WDR70: variants seen among roughly 807,000 people sequenced by gnomAD.
The protein encoded by WDR70 is WD repeat-containing protein 70.
In WDR70, 53 loss-of-function variants were observed where a neutral mutation model predicts 88.6. The ratio of observed to expected loss-of-function variants is 0.60; its 90% CI spans 0.48 to 0.75. WDR70 has a LOEUF of 0.75. Ranked by LOEUF, WDR70 falls within the 30% of genes least tolerant of loss-of-function variation. WDR70 has a pLI of 0.00. For missense variants in WDR70, 610 were observed against 823.2 expected (o/e 0.74, Z 3.17); for synonymous variants, 280 against 270.0 (o/e 1.04, Z -0.36).
intron 10 of WDR70, among the ~76,000 whole-genome samples, chr5:37,695,674 C>T (rs945380218): frequency 6.6e-6 from 1 of 152,162 alleles, no homozygotes; most frequent in Non-Finnish European, 1.5e-5. Flanking sequence ...TTCCTCTTCC[C>T]TCACATTTCT....
intron 9 of WDR70, among the ~76,000 whole-genome samples, chr5:37,547,079 C>T (rs1742022120): frequency 6.6e-6 from 1 of 152,134 alleles, no homozygotes; most frequent in African/African-American, 2.4e-5. Context: ...GGCAAGGTAG[C>T]ATCAAGGACA....
intron 7 of WDR70, among the ~76,000 whole-genome samples, chr5:37,474,138 C>A (rs1192600571): frequency 2.0e-5 from 3 of 152,028 alleles, no homozygotes; most frequent in African/African-American, 4.8e-5. Flanking sequence ...CAGTGGTTTT[C>A]AGATTATTTT....
At chr5:37,462,906 C>T (rs1010474638) in intron 7 of WDR70, among the ~76,000 whole-genome samples, 2 of 152,114 alleles carry the variant, frequency 1.3e-5, no homozygotes, top group East Asian at 1.9e-4. Flanking sequence ...TTAACTAGTA[C>T]GTCAACTCTG....
chr5:37,483,996 G>A (rs550086880), intron 8 of WDR70, among the ~76,000 whole-genome samples: 89 of 151,806 alleles, frequency 5.9e-4, no homozygotes, highest in Non-Finnish European at 1.0e-3. Flanking sequence ...CTCAGACGAT[G>A]GGCGGCCGGG....
chr5:37,711,501 G>T (rs115485030), intron 13 of WDR70, among the ~76,000 whole-genome samples: 2,072 of 152,202 alleles, frequency 0.014, 24 homozygotes, highest in Non-Finnish European at 0.02. Flanking sequence ...CTTTGCTCTG[G>T]TCCTCATGGA....
At chr5:37,710,656 A>G (rs1439845233) in intron 13 of WDR70, among the ~76,000 whole-genome samples, 1 of 152,202 alleles carries the variant, frequency 6.6e-6, no homozygotes, top group East Asian at 1.9e-4. Flanking sequence ...TGGTGAATAA[A>G]ATACCAAATT....
At chr5:37,408,147 C>G (rs1749410221) in intron 5 of WDR70, among the ~76,000 whole-genome samples, 1 of 151,898 alleles carries the variant, frequency 6.6e-6, no homozygotes, top group South Asian at 2.1e-4. Flanking sequence ...GTAGCTGTAG[C>G]CATTAATTTT....
intron 10 of WDR70, among the ~76,000 whole-genome samples, chr5:37,688,549 A>G (rs1746681008): frequency 6.6e-6 from 1 of 152,074 alleles, no homozygotes; most frequent in South Asian, 2.1e-4. Context: ...ATCTTCCAAA[A>G]GTTTCATTTA....
At chr5:37,524,931 A>G (rs1306367577) in intron 9 of WDR70, among the ~76,000 whole-genome samples, 4 of 152,232 alleles carry the variant, frequency 2.6e-5, no homozygotes, top group Admixed American at 1.3e-4. Flanking sequence ...AGAGCTAACT[A>G]TCCTAAATAT....
intron 17 of WDR70, among the ~76,000 whole-genome samples, chr5:37,745,434 A>C (rs1581544515): frequency 6.6e-6 from 1 of 151,772 alleles, no homozygotes; most frequent in African/African-American, 2.4e-5. Flanking sequence ...TACTAACCTT[A>C]AATGTAAATG....
chr5:37,423,272 C>G (rs971323804), intron 5 of WDR70, among the ~76,000 whole-genome samples: 1 of 151,162 alleles, frequency 6.6e-6, no homozygotes, highest in Non-Finnish European at 1.5e-5. Context: ...AGATTCCTGT[C>G]TAGATTCCAG....
intron 11 of WDR70, among the ~76,000 whole-genome samples, chr5:37,699,240 C>T (rs1278027495): frequency 1.3e-5 from 2 of 151,742 alleles, no homozygotes; most frequent in African/African-American, 4.8e-5. Flanking sequence ...TGAGTAATTA[C>T]CCAGTTGATA....
intron 9 of WDR70, among the ~76,000 whole-genome samples, chr5:37,564,264 C>T (rs909906589): frequency 6.6e-6 from 1 of 152,236 alleles, no homozygotes; most frequent in African/African-American, 2.4e-5. Flanking sequence ...GCGACTCCGT[C>T]TGCCATCCCG....
rs149995394 is a variant in WDR70, at chr5:37,636,211, A to G, written c.1092+30973A>G. ...AGGAGCTAACTGGGAGGAGCTCCCT[A>G]TGACCGAATCAGGGGCAAGTCTGTG... On this transcript the variant is annotated intron_variant, in intron 10 of 17. Transcript: ENST00000265107. Among the ~76,000 whole-genome samples, 106 of 121,900 alleles carry G rather than the reference A, an allele frequency of 8.7e-4. 2 individuals are homozygous for G. In the East Asian group the frequency reaches 0.02, roughly 22 times the overall value. The allele number at this position is 121,900 out of a possible 152,430, so 80.0% of individuals were successfully genotyped here.
intron 7 of WDR70, among the ~76,000 whole-genome samples, chr5:37,474,450 A>C (rs1166790853): frequency 6.6e-6 from 1 of 152,142 alleles, no homozygotes; most frequent in Non-Finnish European, 1.5e-5. Context: ...TTCTCCTTTT[A>C]GTTTTGTAAT....
At chr5:37,517,559 G>T (rs113415153) in intron 9 of WDR70, among the ~76,000 whole-genome samples, 1 of 151,918 alleles carries the variant, frequency 6.6e-6, no homozygotes. Flanking sequence ...TAGAGATGGG[G>T]TTTCACCATG....
rs147202732 is a variant in WDR70, at chr5:37,605,129, T to C, written c.983T>C (p.Met328Thr). 2 of 1,613,448 alleles carry C rather than the reference T, an allele frequency of 1.2e-6. No individual in the cohort carries two copies. Among genetic ancestry groups the C allele is most frequent in the Admixed American group, 1.7e-5 (1 of 59,992 alleles). ...AAAAGTGTGTTTAAACCACGGACGATGCAAGGCAAAAAAGTCATTCCCACT... is the reference window on the plus strand; with the variant it reads ...AAAAGTGTGTTTAAACCACGGACGACGCAAGGCAAAAAAGTCATTCCCACT... ...KQKSVFKPRT[M>T]QGKKVIPTTC... The change falls in exon 10 of 18, where the codon ATG (methionine) becomes ACG (threonine). Residue 328 changes from methionine (M) to threonine (T), a missense_variant. Physicochemically the swap from Met to Thr is moderately conservative, Grantham distance 81. Transcript: ENST00000265107.
intron 10 of WDR70, among the ~76,000 whole-genome samples, chr5:37,695,470 C>T (rs1345061011): frequency 1.3e-5 from 2 of 152,156 alleles, no homozygotes; most frequent in Non-Finnish European, 2.9e-5. Flanking sequence ...TCTGGCACAG[C>T]GTGGCTGGAT....
intron 9 of WDR70, among the ~76,000 whole-genome samples, chr5:37,549,425 T>C (rs770377655): frequency 6.6e-6 from 1 of 152,196 alleles, no homozygotes; most frequent in Non-Finnish European, 1.5e-5. Context: ...TAAAAGTTTC[T>C]TTTTCAGATT....
Sources: allele counts gnomAD v4.1 joint callset (sites outside exome capture counted in the v4.1 genomes callset), GRCh38; gene constraint gnomAD v4.1.1; transcripts MANE v1.5; gene names NCBI Gene and HGNC (gene_info 2026-07-23, HGNC 2026-07-21).